SYNE3: variants seen among roughly 807,000 people sequenced by gnomAD.
The protein encoded by SYNE3 is nesprin-3.
Under a neutral mutation model 111.2 loss-of-function variants are expected in SYNE3, and 100 were observed. The ratio of observed to expected loss-of-function variants is 0.90; its 90% confidence interval spans 0.77 to 1.06. The LOEUF (loss-of-function observed/expected upper bound fraction) is 1.06, where lower values mean the gene tolerates loss of function less well. Among genes scored for constraint, SYNE3 ranks in the 50% least tolerant of loss-of-function variants. SYNE3 has a pLI of 0.00. For missense variants in SYNE3, 1,160 were observed against 1,240.3 expected, an observed-to-expected ratio of 0.94 and a Z score of 0.97; for synonymous variants, 547 against 533.9, an observed-to-expected ratio of 1.02 and a Z score of -0.34.
At chr14:95,507,837 AG>A (rs959621921) in intron 1 of SYNE3, among the ~76,000 whole-genome samples, 6 of 152,156 alleles carry the variant, frequency 3.9e-5, no homozygotes, top group Non-Finnish European at 2.9e-5. Flanking sequence ...CAAGTGGCGG[AG>A]GGGTTTCCCT....
intron 17 of SYNE3, among the ~76,000 whole-genome samples, chr14:95,431,183 C>A (rs1885742197): frequency 6.6e-6 from 1 of 152,214 alleles, no homozygotes; most frequent in East Asian, 1.9e-4. Flanking sequence ...CACTAGGAGA[C>A]ACCGATTTAC....
At chr14:95,461,611 C>T (rs1887823226) in intron 4 of SYNE3, among the ~76,000 whole-genome samples, 1 of 152,196 alleles carries the variant, frequency 6.6e-6, no homozygotes, top group Non-Finnish European at 1.5e-5. Context: ...ATGGGTTTTC[C>T]TCGTTGGAGC....
chr14:95,507,315 T>C (rs1890565092), intron 1 of SYNE3, among the ~76,000 whole-genome samples: 1 of 152,098 alleles, frequency 6.6e-6, no homozygotes, highest in Non-Finnish European at 1.5e-5. Context: ...GTCAGTACGT[T>C]GAAGAAATGC....
intron 1 of SYNE3, among the ~76,000 whole-genome samples, chr14:95,498,823 C>A (rs895893089): frequency 2.0e-5 from 3 of 151,982 alleles, no homozygotes; most frequent in East Asian, 3.9e-4. Context: ...CCTCTCAGTC[C>A]CCCCCAGGCT....
rs919757077 is a variant in SYNE3 at position 95,470,774 on chromosome 14, A to G, written c.145-2807T>C. ...GGAGTTTGAGGCCATCCTGGCCAAC[A>G]TGGTGAAACACCGTCTCTACTGAAA... On this transcript the variant is annotated intron_variant, in intron 2 of 17. Coordinates refer to ENST00000682763, the MANE Select transcript of SYNE3 (RefSeq NM_152592.6). The surrounding 1 kb of genome is among the most constrained non-coding windows in gnomAD (Gnocchi z 4.2). 6.6e-5 allele frequency among the ~76,000 whole-genome samples: 10 copies of G among 152,212 alleles called. No individual in the cohort carries two copies. The highest frequency in any genetic ancestry group is 4.1e-4 in the South Asian group (2 of 4,830).
intron 15 of SYNE3, among the ~76,000 whole-genome samples, chr14:95,434,328 C>T (rs1885965071): frequency 6.6e-6 from 1 of 152,172 alleles, no homozygotes; most frequent in South Asian, 2.1e-4. Flanking sequence ...AGAACATTTG[C>T]CAATTTGGAA....
rs972505693 is a variant in SYNE3 at position 95,485,179 on chromosome 14, T to C, written c.-14-9344A>G. Among the ~76,000 whole-genome samples, 1 of 152,174 alleles carries C rather than the reference T, an allele frequency of 6.6e-6. No individual in the cohort carries two copies. The highest frequency in any genetic ancestry group is 2.4e-5 in the African/African-American group (1 of 41,434). On this transcript the variant is annotated intron_variant, in intron 1 of 17. Coordinates refer to ENST00000682763, the MANE Select transcript of SYNE3 (RefSeq NM_152592.6). This position sits in a 1 kb window ranked among gnomAD's most constrained non-coding sequence, Gnocchi z 4.3. ...TGGGAGGGCGGTTGGGGCTGGGTCCTATTAGCTTTGAGTCAATGTAGGCCA... is the reference window on the plus strand; with the variant it reads ...TGGGAGGGCGGTTGGGGCTGGGTCCCATTAGCTTTGAGTCAATGTAGGCCA...
At position 95,411,777 on chromosome 14, in the gene SYNE3, TG is replaced by T. The variant is rs11359103; in HGVS notation, c.*6048del. Reference sequence around the variant, plus strand: ...GTGACAGCCACAGGCACAGCCTCCCTGGGGGGGTCCCTCAGCTCCTCTCCTC... The same window carrying T: ...GTGACAGCCACAGGCACAGCCTCCCTGGGGGGTCCCTCAGCTCCTCTCCTC... On this transcript the variant is annotated 3_prime_UTR_variant, in exon 18 of 18. Transcript: ENST00000682763. 109,082 of 152,184 alleles carry T rather than the reference TG, an allele frequency of 0.72. 39,348 individuals carry two copies. Among genetic ancestry groups the T allele is most frequent in the Non-Finnish European group, 0.76 (51,745 of 68,084 alleles). 9.4% of individuals were successfully genotyped at this position (152,184 alleles called of 1,614,324 possible).
At chr14:95,489,824 T>C (rs1276190662) in intron 1 of SYNE3, among the ~76,000 whole-genome samples, 1 of 152,138 alleles carries the variant, frequency 6.6e-6, no homozygotes, top group East Asian at 1.9e-4. Context: ...TGATTTCACA[T>C]GCTGCTGGCT....
At chr14:95,501,427 G>A (rs750977391) in intron 1 of SYNE3, among the ~76,000 whole-genome samples, 3 of 152,180 alleles carry the variant, frequency 2.0e-5, no homozygotes, top group Non-Finnish European at 4.4e-5. Flanking sequence ...TCTTTGCTCC[G>A]TGTGTTCAGC....
chr14:95,421,631 A>C (rs1885131642), intron 17 of SYNE3, among the ~76,000 whole-genome samples: 1 of 152,190 alleles, frequency 6.6e-6, no homozygotes, highest in African/African-American at 2.4e-5. Context: ...CACCCAATAA[A>C]GGCTCACTTC....
In SYNE3 at chr14:95,439,128, C is replaced by T; in HGVS notation, c.2281G>A (p.Val761Met). The part of the protein sequence containing the change: ...IRNWHLQRME[V>M]DSGKKMVFTN... ...AAAACCATTTTCTTCCCCGAATCCACTTCCATCCTCTGCAGATGCCAGTTT... is the reference window on the plus strand; with the variant it reads ...AAAACCATTTTCTTCCCCGAATCCATTTCCATCCTCTGCAGATGCCAGTTT... The change falls in exon 14 of 18, where the codon GTG (valine) becomes ATG (methionine). Residue 761 changes from valine to methionine, a missense_variant. Physicochemically the swap from Val to Met is conservative, Grantham distance 21. Coordinates refer to ENST00000682763, the MANE Select transcript of SYNE3 (RefSeq NM_152592.6). The T allele has an allele frequency of 1.2e-6, 2 of 1,614,280 alleles. No individual in the cohort carries two copies.
chr14:95,424,815 G>A (rs1167860839), intron 17 of SYNE3, among the ~76,000 whole-genome samples: 2 of 152,194 alleles, frequency 1.3e-5, no homozygotes, highest in South Asian at 4.1e-4. Context: ...ACAGACTGGA[G>A]GAAAACAGAG....
intron 1 of SYNE3, among the ~76,000 whole-genome samples, chr14:95,478,829 T>C (rs112803427): frequency 0.03 from 4,628 of 152,268 alleles, 78 homozygotes; most frequent in Middle Eastern, 0.068. Flanking sequence ...ACTTGGCCTA[T>C]AGGCTGTCGT....
intron 4 of SYNE3, among the ~76,000 whole-genome samples, chr14:95,465,668 G>A (rs896884508): frequency 6.6e-6 from 1 of 152,084 alleles, no homozygotes; most frequent in Non-Finnish European, 1.5e-5. Context: ...TGGTGGGGTA[G>A]ATAGGTGAAT....
At chr14:95,436,791 G>C (rs1447805080) in intron 15 of SYNE3, 29 bp downstream of exon 15, 6 of 1,611,218 alleles carry the variant, frequency 3.7e-6, no homozygotes, top group Non-Finnish European at 4.2e-6. Context: ...CAAACCTTAT[G>C]GATGAGGGAC....
chr14:95,439,774 G>C lies in SYNE3; in HGVS notation c.2084C>G (p.Ala695Gly), dbSNP rs1886303851. The C allele has an allele frequency of 1.2e-6, 2 of 1,612,178 alleles. No homozygotes were observed. Among genetic ancestry groups the C allele is most frequent in the East Asian group, 4.5e-5 (2 of 44,888 alleles). Residue 695 changes from alanine to glycine, a missense_variant, in exon 13 of 18, where the codon GCA becomes GGA. Physicochemically the swap from Ala to Gly is moderately conservative, Grantham distance 60. Transcript: ENST00000682763. ...CTGGGCCTCCTTCTCCGGGAATTCTGCCACCAGCCTCTAAAGGACACACGG... is the reference window on the plus strand; with the variant it reads ...CTGGGCCTCCTTCTCCGGGAATTCTCCCACCAGCCTCTAAAGGACACACGG... Reference protein sequence around the residue: ...SQEAEFERLVAEFPEKEAQLS... With the variant: ...SQEAEFERLVGEFPEKEAQLS...
rs371059681 is a variant in SYNE3, at chr14:95,514,584, A to G, written c.-15+2012T>C. Among the ~76,000 whole-genome samples the G allele has an allele frequency of 1.8e-4, 27 of 152,362 alleles. 1 individual carries two copies. Among genetic ancestry groups the G allele is most frequent in the East Asian group, 1.7e-3 (9 of 5,188 alleles). ...TCAGGGCAAAGCTCGTTTAGTGCTC[A>G]TGAGGCCCTGCGAGGCAACACCTGC... On this transcript the variant is annotated intron_variant, in intron 1 of 17. Transcript: ENST00000682763.
Position 95,412,759 on chromosome 14 carries a change from A to G in SYNE3, c.*5067T>C, listed in dbSNP as rs1026902545. ...CTCAAGCTGCTCTCTTCTCCCAACC[A>G]TCTCCTGGGTTCCCAAACTTTCAGA... On this transcript the variant is annotated 3_prime_UTR_variant, in exon 18 of 18. Transcript: ENST00000682763. The G allele has an allele frequency of 6.6e-6, 1 of 152,080 alleles. No individual in the cohort carries two copies. Among genetic ancestry groups the G allele is most frequent in the African/African-American group, 2.4e-5 (1 of 41,386 alleles). 9.4% of individuals were successfully genotyped at this position (152,080 alleles called of 1,614,324 possible). A position where few individuals can be genotyped will look rare whatever the true frequency, so the allele number is the denominator to read the frequency against.
Sources: allele counts gnomAD v4.1 joint callset (sites outside exome capture counted in the v4.1 genomes callset), GRCh38; gene constraint gnomAD v4.1.1; non-coding constraint Gnocchi (gnomAD v3.1); transcripts MANE v1.5; gene names NCBI Gene and HGNC (gene_info 2026-07-23, HGNC 2026-07-21).